Variants in ABCA3 observed in about 807,000 individuals in gnomAD.
ABCA3 encodes the protein ATP binding cassette subfamily A member 3.
A neutral mutation model predicts 172.8 loss-of-function variants in ABCA3; 88 were observed. The observed-to-expected ratio is 0.51, with a 90% CI of 0.43 to 0.61. The LOEUF (loss-of-function observed/expected upper bound fraction) is 0.61. ABCA3 is among the 20% of genes least tolerant of loss of function. ABCA3 has a pLI of 0.00. For missense variants in ABCA3, 2,164 were observed against 2,301.0 expected, an observed-to-expected ratio of 0.94 and a Z score of 1.22; for synonymous variants, 1,066 against 983.8, an observed-to-expected ratio of 1.08 and a Z score of -1.56.
At chr16:2,295,426 A>G (rs2093678160) in intron 18 of ABCA3, among the ~76,000 whole-genome samples, 164 bp downstream of exon 18, 1 of 152,206 alleles carries the variant, frequency 6.6e-6, no homozygotes. Flanking sequence ...GACCCAGCCA[A>G]GCAGATTCAT....
rs1331353155 is a variant in ABCA3, at chr16:2,281,600, C to T, written c.4036-91G>A. On this transcript the variant is annotated intron_variant, in intron 26 of 32. Coordinates refer to ENST00000301732, the MANE Select transcript of ABCA3 (RefSeq NM_001089.3). The surrounding 1 kb of genome is among the most constrained non-coding windows in gnomAD (Gnocchi z 4.7). Reference sequence around the variant, plus strand: ...AGGGGCGGGGGTGGATGTGGGAGGTCTGGTGGGACTAAGGCCTTCAAGGCT... The same window carrying T: ...AGGGGCGGGGGTGGATGTGGGAGGTTTGGTGGGACTAAGGCCTTCAAGGCT... 1 of 1,450,914 alleles carries T rather than the reference C, an allele frequency of 6.9e-7. No homozygotes were observed. Among genetic ancestry groups the T allele is most frequent in the South Asian group, 1.1e-5 (1 of 87,466 alleles). The allele number at this position is 1,450,914 out of a possible 1,614,324, so 89.9% of individuals were successfully genotyped here.
rs1335890292 is a variant in ABCA3, at chr16:2,314,116, T to C, written c.1111+3167A>G. Among the ~76,000 whole-genome samples the C allele has an allele frequency of 3.9e-5, 6 of 152,158 alleles. No individual in the cohort carries two copies. The South Asian group carries it at 6.2e-4, about 16-fold the overall frequency. Reference sequence around the variant, plus strand: ...TCAAAAGTTAAACATGGAATTGCCATAGGATTCAGCAACTTCACTTCTGGG... The same window carrying C: ...TCAAAAGTTAAACATGGAATTGCCACAGGATTCAGCAACTTCACTTCTGGG... On this transcript the variant is annotated intron_variant, in intron 10 of 32. Transcript: ENST00000301732.
chr16:2,324,548 CG>C lies in ABCA3; in HGVS notation c.320-18del. 6.2e-7 allele frequency: 1 copy of C among 1,607,672 alleles called. No homozygotes were observed. The highest frequency in any genetic ancestry group is 1.1e-5 in the South Asian group (1 of 91,000). On this transcript the variant is annotated intron_variant, in intron 5 of 32. Transcript: ENST00000301732. ...AGCCGCGCACTGCAAAGAGAGAGCA[CG>C]GGAGCTGTGGTTGCCCAATCGGCCC...
intron 7 of ABCA3, among the ~76,000 whole-genome samples, chr16:2,320,944 T>A (rs895070036): frequency 1.3e-5 from 2 of 152,026 alleles, no homozygotes; most frequent in East Asian, 3.9e-4. Context: ...ATATTTACTC[T>A]GTGTCATTTG....
intron 18 of ABCA3, 53 bp from the exon 19 acceptor site, chr16:2,292,291 T>C: frequency 1.3e-6 from 2 of 1,517,604 alleles, no homozygotes; most frequent in Non-Finnish European, 1.8e-6. Context: ...TTCTAGATAA[T>C]TTGTTCCTAA....
chr16:2,293,539 G>GTT (rs1171254786), intron 18 of ABCA3, among the ~76,000 whole-genome samples: 20 of 130,910 alleles, frequency 1.5e-4, no homozygotes, highest in East Asian at 2.2e-4. Context: ...ACGTGGCTAA[G>GTT]TTTTTTTTTT....
chr16:2,279,666 G>A lies in ABCA3; in HGVS notation c.4360-536C>T, dbSNP rs1024881209. ...TCAGCAGCTGGTCGGGGGCAGGAGT[G>A]CCTGGGTTCTGTGGATTCCAGAGAC... is the stretch of plus-strand genomic sequence containing the variant. On this transcript the variant is annotated intron_variant, in intron 28 of 32. Transcript: ENST00000301732. This position sits in a 1 kb window ranked among gnomAD's most constrained non-coding sequence, Gnocchi z 4.4. Among the ~76,000 whole-genome samples the A allele has an allele frequency of 4.6e-5, 7 of 152,048 alleles. No homozygotes were observed. Among genetic ancestry groups the A allele is most frequent in the African/African-American group, 1.7e-4 (7 of 41,388 alleles).
chr16:2,320,462 T>C (rs2093724355), intron 7 of ABCA3, among the ~76,000 whole-genome samples: 1 of 149,948 alleles, frequency 6.7e-6, no homozygotes, highest in Non-Finnish European at 1.5e-5. Flanking sequence ...CGATCTCGGC[T>C]CACTGCAACG....
At position 2,277,531 on chromosome 16, in the gene ABCA3, A is replaced by G; in HGVS notation, c.4983+66T>C. On this transcript the variant is annotated intron_variant, in intron 32 of 32. Coordinates refer to ENST00000301732, the MANE Select transcript of ABCA3 (RefSeq NM_001089.3). This position sits in a 1 kb window ranked among gnomAD's most constrained non-coding sequence, Gnocchi z 5.3. The stretch of plus-strand genomic sequence containing the variant: ...AAGAGCCTGCAGTCACCACAGAGGG[A>G]GAGACCCCTGGAGGGACCTCCCCCT... 2.0e-6 allele frequency: 3 copies of G among 1,521,306 alleles called. No homozygotes were observed. The highest frequency in any genetic ancestry group is 2.7e-6 in the Non-Finnish European group (3 of 1,102,258). The allele number at this position is 1,521,306 out of a possible 1,614,324, so 94.2% of individuals were successfully genotyped here.
chr16:2,294,082 T>C (rs4527023), intron 18 of ABCA3, among the ~76,000 whole-genome samples: 63,903 of 150,258 alleles, frequency 0.43, 13,809 homozygotes, highest in South Asian at 0.5. Flanking sequence ...TGCAGGGGTG[T>C]GATTTCGGCT....
rs1285247708 is a variant in ABCA3, at chr16:2,297,424, A to G, written c.2168T>C (p.Met723Thr). 2 of 1,613,642 alleles carry G rather than the reference A, an allele frequency of 1.2e-6. No homozygotes were observed. The highest frequency in any genetic ancestry group is 2.7e-5 in the African/African-American group (2 of 74,884). ...DRTIVLTTHF[M>T]DEADLLGDRI... Reference sequence around the variant, plus strand: ...GTCTCCCAGCAGGTCAGCCTCGTCCATGAAGTGGGTGGTCAGCACGATGGT... The same window carrying G: ...GTCTCCCAGCAGGTCAGCCTCGTCCGTGAAGTGGGTGGTCAGCACGATGGT... Residue 723 changes from methionine to threonine, a missense_variant, in exon 17 of 33, where the codon ATG (methionine) becomes ACG (threonine). By Grantham distance (81) the Met-to-Thr change is moderately conservative. Around this residue, in one of 3 missense-constraint regions of ABCA3, gnomAD observed 1,343 missense variants for 1,369.6 expected, o/e 0.98. Transcript: ENST00000301732. This position sits in a 1 kb window ranked among gnomAD's most constrained non-coding sequence, Gnocchi z 5.6.
rs1052672447 is a variant in ABCA3 at position 2,289,233 on chromosome 16, G to A, written c.2700+201C>T. On this transcript the variant is annotated intron_variant, in intron 20 of 32. Coordinates refer to ENST00000301732, the MANE Select transcript of ABCA3 (RefSeq NM_001089.3). ...GGGTGCTGTGCCTGAGGTAGAGCAT[G>A]AGAAATTCCAGTTGCTCCATTCAAA... is the stretch of plus-strand genomic sequence containing the variant. 1.6e-5 allele frequency: 10 copies of A among 644,502 alleles called. No homozygotes were observed. In the Admixed American group the frequency reaches 1.9e-4, roughly 12 times the overall value. 39.9% of individuals were successfully genotyped at this position (644,502 alleles called of 1,614,324 possible). A position where few individuals can be genotyped will look rare whatever the true frequency, so the allele number is the denominator to read the frequency against.
chr16:2,280,787 G>A (rs566003290), intron 28 of ABCA3, among the ~76,000 whole-genome samples: 13 of 152,302 alleles, frequency 8.5e-5, no homozygotes, highest in Non-Finnish European at 1.9e-4. Context: ...TGCTGAATGC[G>A]CCTCTCTGGG....
intron 5 of ABCA3, 21 bp from the exon 6 acceptor site, chr16:2,324,552 A>T: frequency 6.2e-7 from 1 of 1,607,004 alleles, no homozygotes. Context: ...AGAGCACGGG[A>T]GCTGTGGTTG....
intron 18 of ABCA3, among the ~76,000 whole-genome samples, chr16:2,293,669 C>T (rs996261854): frequency 6.6e-6 from 1 of 151,730 alleles, no homozygotes; most frequent in Non-Finnish European, 1.5e-5. Flanking sequence ...TCCCGAGTAG[C>T]TGGGACTACA....
In ABCA3 at chr16:2,292,312, C is replaced by T. The variant is rs1486320530; in HGVS notation, c.2415-74G>A. The T allele has an allele frequency of 1.3e-5, 18 of 1,344,344 alleles. No individual in the cohort carries two copies. The East Asian group carries it at 2.4e-4, about 18-fold the overall frequency. The allele number at this position is 1,344,344 out of a possible 1,614,324, so 83.3% of individuals were successfully genotyped here. ...ATAATTTGTTCCTAAAGCATCACCC[C>T]CCCTCGGCCAGGCACAGTGCCTCAC... On this transcript the variant is annotated intron_variant, in intron 18 of 32. Transcript: ENST00000301732.
intron 10 of ABCA3, among the ~76,000 whole-genome samples, chr16:2,315,015 C>T (rs1482266089): frequency 6.7e-6 from 1 of 149,986 alleles, no homozygotes; most frequent in East Asian, 2.0e-4. Context: ...GTAGCTGGGA[C>T]TACAGGTACC....
At position 2,277,622 on chromosome 16, in the gene ABCA3, G is replaced by A. The variant is rs774227126; in HGVS notation, c.4958C>T (p.Pro1653Leu). The A allele has an allele frequency of 4.3e-6, 7 of 1,612,964 alleles. No individual in the cohort carries two copies. Among genetic ancestry groups the A allele is most frequent in the African/African-American group, 2.7e-5 (2 of 74,914 alleles). The change falls in exon 32 of 33, where the codon CCG becomes CTG. Residue 1653 changes from proline to leucine, a missense_variant. By Grantham distance (98) the Pro-to-Leu change is moderately conservative. Transcript: ENST00000301732. This position sits in a 1 kb window ranked among gnomAD's most constrained non-coding sequence, Gnocchi z 5.3. ...EHQGMVHYHL[P>L]GRDLSWAKVF... ...CTTCGCCCAGCTGAGGTCACGGCCC[G>A]GCAGGTGGTAATGGACCATGCCTTG...
In ABCA3 at chr16:2,278,884, G is replaced by A. The variant is rs1317543491; in HGVS notation, c.4547+59C>T. On this transcript the variant is annotated intron_variant, in intron 29 of 32. Coordinates refer to ENST00000301732, the MANE Select transcript of ABCA3 (RefSeq NM_001089.3). This position sits in a 1 kb window ranked among gnomAD's most constrained non-coding sequence, Gnocchi z 4.4. ...CCTGAGCGGTCACTCCCAGCTCTAT[G>A]CTATGGGGACCTTGATTCTGACTCC... 6 of 1,608,802 alleles carry A rather than the reference G, an allele frequency of 3.7e-6. No homozygotes were observed. The highest frequency in any genetic ancestry group is 4.2e-6 in the Non-Finnish European group (5 of 1,177,848).
Sources: allele counts gnomAD v4.1 joint callset (sites outside exome capture counted in the v4.1 genomes callset), GRCh38; gene constraint gnomAD v4.1.1; regional missense constraint gnomAD v4.1.1; non-coding constraint Gnocchi (gnomAD v3.1); transcripts MANE v1.5; gene names NCBI Gene and HGNC (gene_info 2026-07-23, HGNC 2026-07-21).